The following ATP6V0A2 variants were observed in gnomAD, a reference collection of about 807,000 sequenced individuals.
The protein encoded by ATP6V0A2 is ATPase H+ transporting V0 subunit a2.
Under a neutral mutation model 104.4 loss-of-function variants are expected in ATP6V0A2, and 58 were observed. That is an observed-to-expected ratio of 0.56 (90% CI 0.45 to 0.69). The LOEUF is 0.69. ATP6V0A2 is among the 30% of genes least tolerant of loss of function. The pLI is 0.00. For synonymous variants in ATP6V0A2, 376 were observed against 397.9 expected (o/e 0.95, Z 0.65); for missense variants, 938 against 1,062.9 (o/e 0.88, Z 1.63).
At chr12:123,716,368 A>G (rs977255731) in intron 1 of ATP6V0A2, among the ~76,000 whole-genome samples, 1 of 152,150 alleles carries the variant, frequency 6.6e-6, no homozygotes, top group Non-Finnish European at 1.5e-5. Flanking sequence ...GGCCTGGCCT[A>G]GAAGATAAAA....
At chr12:123,735,742 G>T (rs1262557621) in intron 8 of ATP6V0A2, 118 bp downstream of exon 8, 1 of 932,638 alleles carries the variant, frequency 1.1e-6, no homozygotes, top group Non-Finnish European at 1.7e-6. Context: ...AGATGTTCTA[G>T]TGAGATTGGA....
chr12:123,749,434 T>C (rs766462192), intron 15 of ATP6V0A2, among the ~76,000 whole-genome samples: 99 of 152,292 alleles, frequency 6.5e-4, no homozygotes, highest in Middle Eastern at 3.4e-3. Flanking sequence ...ACTGTGCGTT[T>C]GTGTGCTGTC....
At chr12:123,752,518 C>A in intron 17 of ATP6V0A2, 116 bp downstream of exon 17, 2 of 1,261,872 alleles carry the variant, frequency 1.6e-6, no homozygotes, top group Admixed American at 1.9e-5. Context: ...AATGGGACTT[C>A]CAGCCTCCAC....
At chr12:123,717,314 CAAAA>C (rs538974425) in intron 1 of ATP6V0A2, among the ~76,000 whole-genome samples, 157 of 106,828 alleles carry the variant, frequency 1.5e-3, no homozygotes, top group Admixed American at 2.2e-3. Flanking sequence ...AACTCTGTCT[CAAAA>C]AAAAAAAAAA....
chr12:123,740,774 C>T (rs146973049), intron 9 of ATP6V0A2, among the ~76,000 whole-genome samples: 90 of 152,260 alleles, frequency 5.9e-4, no homozygotes, highest in Non-Finnish European at 1.1e-3. Context: ...CTCCTCTTCG[C>T]GCCTTCTGTT....
intron 1 of ATP6V0A2, among the ~76,000 whole-genome samples, chr12:123,712,891 C>T (rs1236814534): frequency 6.6e-6 from 1 of 152,118 alleles, no homozygotes; most frequent in Non-Finnish European, 1.5e-5. Context: ...GTGTGGTCGG[C>T]GGCTGCTCTG....
At position 123,724,550 on chromosome 12, in the gene ATP6V0A2, A is replaced by G. The variant is rs1365236461; in HGVS notation, c.295-104A>G. 4.6e-6 allele frequency: 6 copies of G among 1,314,362 alleles called. No homozygotes were observed. In the East Asian group the frequency reaches 9.4e-5, roughly 21 times the overall value. 81.4% of individuals were successfully genotyped at this position (1,314,362 alleles called of 1,614,324 possible). A position where few individuals can be genotyped will look rare whatever the true frequency, so the allele number is the denominator to read the frequency against. On this transcript the variant is annotated intron_variant, in intron 3 of 19. Transcript: ENST00000330342. ...TCTCAAAAAAAAAAAAAAGAAAAAA[A>G]CAAAACAAAAAAACCCACTGTTTTT...
In ATP6V0A2 at chr12:123,712,525, C is replaced by T; in HGVS notation, c.-41C>T. 1 of 1,482,170 alleles carries T rather than the reference C, an allele frequency of 6.7e-7. No individual in the cohort carries two copies. The highest frequency in any genetic ancestry group is 9.1e-7 in the Non-Finnish European group (1 of 1,100,330). 91.8% of individuals were successfully genotyped at this position (1,482,170 alleles called of 1,614,324 possible). A position where few individuals can be genotyped will look rare whatever the true frequency, so the allele number is the denominator to read the frequency against. On this transcript the variant is annotated 5_prime_UTR_variant, in exon 1 of 20. Transcript: ENST00000330342. ...TGCGGGCCCGCGCGGCTCGGAGCCGCCGCCGCCCATCGAGCCCCTCCGGGC... is the reference window on the plus strand; with the variant it reads ...TGCGGGCCCGCGCGGCTCGGAGCCGTCGCCGCCCATCGAGCCCCTCCGGGC...
At chr12:123,739,033 C>T (rs907372178) in intron 9 of ATP6V0A2, 3 of 152,386 alleles carry the variant, frequency 2.0e-5, no homozygotes, top group Middle Eastern at 6.8e-3. Flanking sequence ...GTTTGAGGGA[C>T]ATGACTAGTA....
At chr12:123,714,203 G>A (rs565077107) in intron 1 of ATP6V0A2, among the ~76,000 whole-genome samples, 12 of 152,322 alleles carry the variant, frequency 7.9e-5, no homozygotes, top group Admixed American at 5.2e-4. Flanking sequence ...GAAGGTTCCA[G>A]TTTCAATAAG....
chr12:123,725,920 G>T (rs1191535180), intron 4 of ATP6V0A2, among the ~76,000 whole-genome samples: 3 of 152,064 alleles, frequency 2.0e-5, no homozygotes, highest in Non-Finnish European at 2.9e-5. Context: ...ATATGATAGT[G>T]ACCTTTGATA....
Position 123,758,866 on chromosome 12 carries a change from G to GT in ATP6V0A2, c.*835dup, listed in dbSNP as rs1956787584. On this transcript the variant is annotated 3_prime_UTR_variant, in exon 20 of 20. Transcript: ENST00000330342. Reference sequence around the variant, plus strand: ...TATCCTGTGCTACCTAGAATTACAAGTAGAGGATTGTTTTTACAATTTTGT... The same window carrying GT: ...TATCCTGTGCTACCTAGAATTACAAGTTAGAGGATTGTTTTTACAATTTTGT... 1 of 152,248 alleles carries GT rather than the reference G, an allele frequency of 6.6e-6. No homozygotes were observed. Among genetic ancestry groups the GT allele is most frequent in the South Asian group, 2.1e-4 (1 of 4,836 alleles). 9.4% of individuals were successfully genotyped at this position (152,248 alleles called of 1,614,324 possible).
intron 6 of ATP6V0A2, among the ~76,000 whole-genome samples, chr12:123,728,493 C>A (rs770100837): frequency 6.6e-6 from 1 of 151,744 alleles, no homozygotes; most frequent in Non-Finnish European, 1.5e-5. Context: ...GCCTTGGCCT[C>A]CCAAAGTGTT....
Position 123,718,517 on chromosome 12 carries a change from G to A in ATP6V0A2, c.118-106G>A, listed in dbSNP as rs1017932331. The A allele has an allele frequency of 1.1e-5, 8 of 758,440 alleles. No individual in the cohort carries two copies. In the African/African-American group the frequency reaches 1.1e-4, roughly 10 times the overall value. The allele number at this position is 758,440 out of a possible 1,614,324, so 47.0% of individuals were successfully genotyped here. A position where few individuals can be genotyped will look rare whatever the true frequency, so the allele number is the denominator to read the frequency against. ...TGTCAGTTTATAGTTTCATTCAATA[G>A]TATACAAGAGTGTACATCCCCCAAA... On this transcript the variant is annotated intron_variant, in intron 1 of 19. Transcript: ENST00000330342.
chr12:123,727,017 A>G (rs968203), intron 5 of ATP6V0A2, among the ~76,000 whole-genome samples: 101,097 of 152,092 alleles, frequency 0.66, 33,949 homozygotes, highest in East Asian at 0.95. Context: ...GAACCAAAAT[A>G]GAAATAAACA....
chr12:123,733,725 C>T (rs1439486420), intron 6 of ATP6V0A2: 6 of 584,454 alleles, frequency 1.0e-5, no homozygotes, highest in Admixed American at 2.9e-5. Flanking sequence ...GGCTGCTCTG[C>T]ACATGACTGG....
intron 2 of ATP6V0A2, among the ~76,000 whole-genome samples, chr12:123,719,452 T>C (rs1245008513): frequency 6.6e-6 from 1 of 151,714 alleles, no homozygotes; most frequent in African/African-American, 2.4e-5. Flanking sequence ...AGTGGCATGA[T>C]CTTGGCTCAC....
rs932604799 is a variant in ATP6V0A2 at position 123,727,795 on chromosome 12, C to A, written c.534C>A (p.Gly178=). The A allele has an allele frequency of 1.2e-6, 2 of 1,613,884 alleles. No homozygotes were observed. Among genetic ancestry groups the A allele is most frequent in the African/African-American group, 1.3e-5 (1 of 74,888 alleles). The change falls in exon 6 of 20, where the codon GGC becomes GGA. Residue 178 remains glycine (G), a synonymous_variant. Transcript: ENST00000330342. ...RLGAKLGFVS[G]LINQGKVEAF... is the part of the protein sequence containing the mutation. ...TACTGTCTCACAGATTTGTGTCTGGCCTAATTAACCAAGGAAAAGTGGAAG... is the reference window on the plus strand; with the variant it reads ...TACTGTCTCACAGATTTGTGTCTGGACTAATTAACCAAGGAAAAGTGGAAG...
Position 123,758,045 on chromosome 12 carries a change from AAC to A in ATP6V0A2, c.*14_*15del. 4.6e-6 allele frequency: 7 copies of A among 1,534,356 alleles called. 1 individual carries two copies. The highest frequency in any genetic ancestry group is 6.3e-6 in the Non-Finnish European group (7 of 1,107,578). On this transcript the variant is annotated 3_prime_UTR_variant, in exon 20 of 20. Transcript: ENST00000330342. Reference sequence around the variant, plus strand: ...CAGTGTGGCATGATCATATTGCTGTAACCAACAAGCTTTCAGATTTATGGAGA... The same window carrying A: ...CAGTGTGGCATGATCATATTGCTGTACAACAAGCTTTCAGATTTATGGAGA...
Sources: gnomAD v4.1 joint callset for allele counts (sites outside exome capture counted in the v4.1 genomes callset) on GRCh38, gnomAD v4.1.1 for gene constraint, MANE v1.5 for transcripts, NCBI Gene and HGNC (gene_info 2026-07-23, HGNC 2026-07-21) for gene names.